DLGAP2: variants seen among roughly 807,000 people sequenced by gnomAD.
DLGAP2 encodes disks large-associated protein 2.
A neutral mutation model predicts 100.3 loss-of-function variants in DLGAP2; 26 were observed. The observed-to-expected ratio is 0.26, with a 90% confidence interval of 0.19 to 0.36. DLGAP2 has a LOEUF of 0.36. Among genes scored for constraint, DLGAP2 ranks in the 10% least tolerant of loss-of-function variants. The pLI, the probability that DLGAP2 is intolerant of heterozygous loss-of-function variation, is 1.00. For missense variants in DLGAP2, 1,858 were observed against 1,453.2 expected (o/e 1.28, Z -4.53); for synonymous variants, 886 against 630.1 (o/e 1.41, Z -6.08).
chr8:865,169 A>C (rs1371019821), intron 1 of DLGAP2, among the ~76,000 whole-genome samples: 1 of 152,214 alleles, frequency 6.6e-6, no homozygotes, highest in Non-Finnish European at 1.5e-5. Flanking sequence ...CACCAGGACG[A>C]CGGGTGCCCT....
At chr8:1,444,121 C>A (rs1050155804) in intron 3 of DLGAP2, among the ~76,000 whole-genome samples, 2 of 152,078 alleles carry the variant, frequency 1.3e-5, no homozygotes, top group African/African-American at 4.8e-5. Context: ...TGTCTCTCTC[C>A]GTTGCCCAGG....
At chr8:1,278,166 T>C (rs1799743394) in intron 3 of DLGAP2, among the ~76,000 whole-genome samples, 1 of 152,214 alleles carries the variant, frequency 6.6e-6, no homozygotes, top group South Asian at 2.1e-4. Context: ...AGAGCTGTGT[T>C]CCAGCTCTTT....
At chr8:802,020 C>T (rs13252807) in intron 1 of DLGAP2, among the ~76,000 whole-genome samples, 2,091 of 86,722 alleles carry the variant, frequency 0.024, 52 homozygotes, top group Non-Finnish European at 0.034. Context: ...CAGTCCGCAC[C>T]CCTCCTGGGC....
intron 3 of DLGAP2, among the ~76,000 whole-genome samples, chr8:1,392,353 T>G (rs1346392927): frequency 6.6e-6 from 1 of 152,074 alleles, no homozygotes; most frequent in African/African-American, 2.4e-5. Context: ...TTACCTGCAC[T>G]CCCACGGGGA....
chr8:1,695,697 C>T (rs1380263324), intron 13 of DLGAP2, among the ~76,000 whole-genome samples: 1 of 152,242 alleles, frequency 6.6e-6, no homozygotes, highest in Non-Finnish European at 1.5e-5. Context: ...CTTAGGTTGG[C>T]GAAGACTTCT....
chr8:1,502,943 CA>C lies in DLGAP2; in HGVS notation c.172+1513del, dbSNP rs1161655436. On this transcript the variant is annotated intron_variant, in intron 4 of 14. Transcript: ENST00000637795. ...AGTGAAAAGAACCTGGAGGCTGGAG[CA>C]GGGGGCACAGAACTGAAACAAGAGT... 2.1e-4 allele frequency among the ~76,000 whole-genome samples: 32 copies of C among 152,212 alleles called. No homozygotes were observed. The Middle Eastern group carries it at 0.01, about 49-fold the overall frequency.
At chr8:1,205,373 G>C (rs1319011939) in intron 2 of DLGAP2, among the ~76,000 whole-genome samples, 2 of 151,914 alleles carry the variant, frequency 1.3e-5, no homozygotes, top group African/African-American at 2.4e-5. Context: ...GTCCAGAAGT[G>C]CAGGCTCTTC....
intron 2 of DLGAP2, among the ~76,000 whole-genome samples, chr8:921,328 T>C (rs1419717203): frequency 6.6e-6 from 1 of 151,702 alleles, no homozygotes; most frequent in Non-Finnish European, 1.5e-5. Flanking sequence ...TGTGGATGCG[T>C]GTCTATGGCC....
chr8:1,177,036 G>T lies in DLGAP2; in HGVS notation c.74-81815G>T, dbSNP rs190060922. ...AGTCCTTGAGATCATCGTTGATGTC[G>T]CATTAACACTTCAAAAAATTATACT... On this transcript the variant is annotated intron_variant, in intron 2 of 14. Transcript: ENST00000637795. 3.3e-5 allele frequency among the ~76,000 whole-genome samples: 5 copies of T among 152,274 alleles called. No homozygotes were observed. The East Asian group carries it at 7.7e-4, about 23-fold the overall frequency.
intron 1 of DLGAP2, among the ~76,000 whole-genome samples, chr8:890,710 G>T (rs1798017463): frequency 6.6e-6 from 1 of 152,014 alleles, no homozygotes; most frequent in Admixed American, 6.5e-5. Flanking sequence ...CAGATTCAAT[G>T]TTGTCCTATC....
intron 6 of DLGAP2, among the ~76,000 whole-genome samples, chr8:1,578,802 GT>G (rs1157562827): frequency 6.6e-6 from 1 of 152,154 alleles, no homozygotes; most frequent in Non-Finnish European, 1.5e-5. Flanking sequence ...CAGAAATCCT[GT>G]CCCACCTGTC....
intron 8 of DLGAP2, among the ~76,000 whole-genome samples, chr8:1,654,959 G>T (rs926215555): frequency 6.6e-6 from 1 of 152,210 alleles, no homozygotes; most frequent in Non-Finnish European, 1.5e-5. Context: ...TTCTCGCCGT[G>T]TGATGTGATG....
chr8:1,111,837 T>C (rs572801207), intron 2 of DLGAP2, among the ~76,000 whole-genome samples: 8 of 152,362 alleles, frequency 5.3e-5, no homozygotes, highest in African/African-American at 1.9e-4. Context: ...TCCATGTCTT[T>C]GCTTTTGTGA....
intron 2 of DLGAP2, among the ~76,000 whole-genome samples, chr8:1,072,647 A>G (rs1469260680): frequency 6.6e-6 from 1 of 152,172 alleles, no homozygotes; most frequent in Non-Finnish European, 1.5e-5. Context: ...TATCCTTTCA[A>G]AACAGATCAA....
intron 2 of DLGAP2, among the ~76,000 whole-genome samples, chr8:1,046,160 T>C (rs181870577): frequency 2.2e-4 from 34 of 152,300 alleles, no homozygotes; most frequent in Admixed American, 7.8e-4. Flanking sequence ...GCAGAAACCA[T>C]ATTTCTGAAG....
chr8:875,564 G>T (rs552572556), intron 1 of DLGAP2, among the ~76,000 whole-genome samples: 29 of 152,248 alleles, frequency 1.9e-4, no homozygotes, highest in South Asian at 1.0e-3. Flanking sequence ...CACCATGATT[G>T]TAAGTTTCCT....
intron 2 of DLGAP2, among the ~76,000 whole-genome samples, chr8:988,970 A>C (rs1255545210): frequency 6.6e-6 from 1 of 151,772 alleles, no homozygotes; most frequent in Admixed American, 6.6e-5. Flanking sequence ...TTCTCAGGTC[A>C]CCTCCTCTCC....
chr8:1,110,177 G>T (rs1258984605), intron 2 of DLGAP2, among the ~76,000 whole-genome samples: 1 of 147,822 alleles, frequency 6.8e-6, no homozygotes, highest in African/African-American at 2.6e-5. Context: ...TCTGTGAGGT[G>T]TGCATGGGTC....
At chr8:1,608,820 C>T (rs1233926207) in intron 6 of DLGAP2, among the ~76,000 whole-genome samples, 6 of 150,164 alleles carry the variant, frequency 4.0e-5, no homozygotes, top group Admixed American at 6.6e-5. Context: ...TGAAATGAAG[C>T]GAGAAGGGAA....
Sources: gnomAD v4.1 joint callset for allele counts (sites outside exome capture counted in the v4.1 genomes callset) on GRCh38, gnomAD v4.1.1 for gene constraint, MANE v1.5 for transcripts, NCBI Gene and HGNC (gene_info 2026-07-23, HGNC 2026-07-21) for gene names.